Variants in MYOF observed in about 807,000 individuals in gnomAD.
MYOF encodes myoferlin, also known as fer-1-like 3, myoferlin.
MYOF carries 244 observed loss-of-function variants against 284.2 expected under a neutral mutation model. The observed-to-expected ratio is 0.86, with a 90% CI of 0.77 to 0.95. The LOEUF is 0.95. Among genes scored for constraint, MYOF ranks in the 40% least tolerant of loss-of-function variants. MYOF has a pLI of 0.00. For synonymous variants in MYOF, 904 were observed against 919.7 expected (o/e 0.98, Z 0.31); for missense variants, 2,496 against 2,560.6 (o/e 0.97, Z 0.54).
intron 22 of MYOF, among the ~76,000 whole-genome samples, chr10:93,375,922 T>C (rs957856164): frequency 2.0e-5 from 3 of 152,198 alleles, no homozygotes; most frequent in Admixed American, 6.5e-5. Context: ...CACCATGGCA[T>C]CTGGTGGGAC....
chr10:93,417,184 G>C (rs1848168146), intron 5 of MYOF, among the ~76,000 whole-genome samples: 1 of 152,086 alleles, frequency 6.6e-6, no homozygotes, highest in African/African-American at 2.4e-5. Context: ...AATGTCACTT[G>C]GTCAAATCCT....
chr10:93,360,504 C>A (rs1324400175), intron 28 of MYOF, among the ~76,000 whole-genome samples: 1 of 152,194 alleles, frequency 6.6e-6, no homozygotes, highest in Non-Finnish European at 1.5e-5. Flanking sequence ...ATTGCTCAGT[C>A]AATGCTAACG....
intron 38 of MYOF, 110 bp from the exon 39 acceptor site, chr10:93,340,274 T>A: frequency 9.5e-7 from 1 of 1,052,186 alleles, no homozygotes; most frequent in African/African-American, 1.6e-5. Context: ...AAAATTATTA[T>A]TCATGCATGC....
chr10:93,332,661 C>A (rs375203686), intron 43 of MYOF, among the ~76,000 whole-genome samples: 55 of 150,794 alleles, frequency 3.6e-4, no homozygotes, highest in Admixed American at 1.3e-3. Context: ...CTGGCTAACA[C>A]GGTGAAACCC....
At chr10:93,349,762 T>C (rs1844412549) in intron 36 of MYOF, 46 bp downstream of exon 36, 1 of 1,598,082 alleles carries the variant, frequency 6.3e-7, no homozygotes, top group Non-Finnish European at 8.6e-7. Flanking sequence ...GCACATACTT[T>C]CATATTTCAA....
chr10:93,400,862 T>TGC (rs1847257423), intron 12 of MYOF, among the ~76,000 whole-genome samples: 1 of 146,902 alleles, frequency 6.8e-6, no homozygotes, highest in East Asian at 2.0e-4. Context: ...TGTTTTTTTT[T>TGC]TTTTTTTTTT....
intron 19 of MYOF, among the ~76,000 whole-genome samples, chr10:93,383,354 T>C (rs979245499): frequency 3.3e-5 from 5 of 152,198 alleles, no homozygotes; most frequent in African/African-American, 1.2e-4. Context: ...TAGGGTTTTG[T>C]CAAATCCCCT....
At chr10:93,324,183 A>G (rs1301035259) in intron 46 of MYOF, 2 of 152,200 alleles carry the variant, frequency 1.3e-5, no homozygotes, top group South Asian at 2.1e-4. Context: ...CGAAAAAACT[A>G]TATCAACCGT....
At chr10:93,442,041 C>CACACACAGAGAGAGAG (rs57700900) in intron 3 of MYOF, among the ~76,000 whole-genome samples, 1 of 142,628 alleles carries the variant, frequency 7.0e-6, no homozygotes, top group Non-Finnish European at 1.5e-5. Context: ...CACACACACA[C>CACACACAGAGAGAGAG]AGAATAAACC....
intron 10 of MYOF, 67 bp from the exon 11 acceptor site, chr10:93,402,414 C>T: frequency 1.6e-6 from 2 of 1,262,594 alleles, no homozygotes; most frequent in Non-Finnish European, 2.3e-6. Context: ...TGTGATTCCT[C>T]TGCCATAAGA....
chr10:93,425,107 T>G (rs563601045), intron 5 of MYOF, among the ~76,000 whole-genome samples: 37 of 151,862 alleles, frequency 2.4e-4, no homozygotes, highest in African/African-American at 8.9e-4. Flanking sequence ...CCTGGCCAAT[T>G]TTTTTGAATT....
intron 27 of MYOF, among the ~76,000 whole-genome samples, chr10:93,363,307 T>C (rs787638): frequency 0.29 from 43,641 of 152,086 alleles, 7,650 homozygotes; most frequent in Non-Finnish European, 0.4. Context: ...GGGAGAATAA[T>C]TACTTTTGAT....
chr10:93,411,378 C>A (rs891305898), intron 5 of MYOF, among the ~76,000 whole-genome samples: 1 of 152,206 alleles, frequency 6.6e-6, no homozygotes, highest in African/African-American at 2.4e-5. Flanking sequence ...TCCCTTGAGC[C>A]CATTTTGATC....
chr10:93,363,041 G>T (rs1365352977), intron 27 of MYOF, among the ~76,000 whole-genome samples: 1 of 152,120 alleles, frequency 6.6e-6, no homozygotes, highest in South Asian at 2.1e-4. Flanking sequence ...GCACCTAAAT[G>T]CCCAGAAAGA....
intron 22 of MYOF, among the ~76,000 whole-genome samples, chr10:93,376,535 G>T (rs1845843007): frequency 1.3e-5 from 2 of 152,144 alleles, no homozygotes; most frequent in Non-Finnish European, 2.9e-5. Context: ...CTTTGATTTT[G>T]GTTGCGTTTC....
intron 4 of MYOF, among the ~76,000 whole-genome samples, chr10:93,427,831 A>G (rs1430455251): frequency 6.6e-6 from 1 of 150,820 alleles, no homozygotes; most frequent in African/African-American, 2.4e-5. Context: ...AATTTCTCAC[A>G]TGGAGCATTA....
chr10:93,310,669 CAT>C (rs761108101), intron 51 of MYOF, 26 bp from the exon 52 acceptor site: 1 of 1,592,974 alleles, frequency 6.3e-7, no homozygotes, highest in Non-Finnish European at 8.6e-7. Context: ...GCAGGTTAAA[CAT>C]ATGACATCAT....
At chr10:93,371,742 T>TTA (rs1554848297) in intron 24 of MYOF, among the ~76,000 whole-genome samples, 5 of 151,826 alleles carry the variant, frequency 3.3e-5, no homozygotes, top group East Asian at 1.9e-4. Context: ...CCTTTTTTTT[T>TTA]AAAGTATAAA....
In MYOF at chr10:93,333,784, G is replaced by A. The variant is rs1200054164; in HGVS notation, c.4693C>T (p.Leu1565Phe). 1 of 1,614,104 alleles carries A rather than the reference G, an allele frequency of 6.2e-7. No individual in the cohort carries two copies. The highest frequency in any genetic ancestry group is 8.5e-7 in the Non-Finnish European group (1 of 1,180,052). Residue 1565 changes from leucine to phenylalanine, a missense_variant, in exon 42 of 54, where the codon CTC becomes TTC. Coordinates refer to ENST00000359263, the MANE Select transcript of MYOF (RefSeq NM_013451.4). ...VRIYIVRGLE[L>F]QPQDNNGLCD... The stretch of plus-strand genomic sequence containing the variant: ...AGGCCATTGTTGTCCTGGGGCTGGA[G>A]CTCTAAGCCTCGAACAATGTAAATC...
Sources: allele counts gnomAD v4.1 joint callset (sites outside exome capture counted in the v4.1 genomes callset), GRCh38; gene constraint gnomAD v4.1.1; transcripts MANE v1.5; gene names NCBI Gene and HGNC (gene_info 2026-07-23, HGNC 2026-07-21).